The following NBAS variants were observed in gnomAD, a reference collection of about 807,000 sequenced individuals.
The protein encoded by NBAS is NAG/BC035112 fusion.
In NBAS, 219 loss-of-function variants were observed where a neutral mutation model predicts 302.5. The observed-to-expected ratio is 0.72, with a 90% CI of 0.65 to 0.81. The LOEUF is 0.81. Among genes scored for constraint, NBAS ranks in the 30% least tolerant of loss-of-function variants. The pLI, the probability that NBAS is intolerant of heterozygous loss-of-function variation, is 0.00. For missense variants in NBAS, 2,932 were observed against 2,841.6 expected, an observed-to-expected ratio of 1.03 and a Z score of -0.72; for synonymous variants, 1,118 against 1,021.6, an observed-to-expected ratio of 1.09 and a Z score of -1.80.
chr2:15,255,523 T>A (rs1572536359), intron 44 of NBAS, among the ~76,000 whole-genome samples: 1 of 152,230 alleles, frequency 6.6e-6, no homozygotes, highest in African/African-American at 2.4e-5. Flanking sequence ...GTTGAGTAGC[T>A]GATCATTTCT....
At chr2:15,535,771 T>C (rs1329716173) in intron 8 of NBAS, among the ~76,000 whole-genome samples, 1 of 152,146 alleles carries the variant, frequency 6.6e-6, no homozygotes, top group African/African-American at 2.4e-5. Context: ...ATGTTTTCAA[T>C]CCACAGTATC....
chr2:15,103,027 G>GGAAGGAAGGAAGGAAA, the NBAS span, among the ~76,000 whole-genome samples: 1 of 132,778 alleles, frequency 7.5e-6, no homozygotes, highest in African/African-American at 2.7e-5. Context: ...AAGGAAGGAA[G>GGAAGGAAGGAAGGAAA]GAAAGAGGGT....
chr2:15,476,442 G>A (rs938032786), intron 13 of NBAS, among the ~76,000 whole-genome samples: 6 of 152,072 alleles, frequency 3.9e-5, no homozygotes, highest in African/African-American at 1.4e-4. Flanking sequence ...TGAATTATGG[G>A]CCGGGCACAG....
chr2:15,469,461 AT>A (rs1189899184), intron 16 of NBAS, among the ~76,000 whole-genome samples: 1 of 152,144 alleles, frequency 6.6e-6, no homozygotes. Context: ...TAGAAATACC[AT>A]TTGACCCAGC....
chr2:15,473,499 T>C (rs1427496615), intron 15 of NBAS, 152 bp from the exon 16 acceptor site: 9 of 996,190 alleles, frequency 9.0e-6, no homozygotes, highest in Non-Finnish European at 1.4e-5. Flanking sequence ...ACAGATATTT[T>C]GAGGAGCAGA....
At chr2:15,225,911 T>C (rs914743865) in intron 47 of NBAS, among the ~76,000 whole-genome samples, 4 of 152,180 alleles carry the variant, frequency 2.6e-5, no homozygotes, top group Admixed American at 2.6e-4. Context: ...GAGAAGCATG[T>C]CAAAGAGACA....
At chr2:15,550,747 T>C (rs1403414054) in intron 6 of NBAS, among the ~76,000 whole-genome samples, 1 of 151,922 alleles carries the variant, frequency 6.6e-6, no homozygotes, top group African/African-American at 2.4e-5. Flanking sequence ...TCATCATGCC[T>C]GGGTAATTTT....
the NBAS span, among the ~76,000 whole-genome samples, chr2:15,051,759 G>A: frequency 6.6e-6 from 1 of 152,180 alleles, no homozygotes; most frequent in Non-Finnish European, 1.5e-5. Flanking sequence ...ATGCCATTCT[G>A]TCACCGTGGG....
rs1572687479 is a variant in NBAS at position 15,341,315 on chromosome 2, G to C, written c.4180-10550C>G. Among the ~76,000 whole-genome samples the C allele has an allele frequency of 2.0e-5, 3 of 152,204 alleles. No homozygotes were observed. In the South Asian group the frequency reaches 6.2e-4, roughly 32 times the overall value. On this transcript the variant is annotated intron_variant, in intron 35 of 51. Coordinates refer to ENST00000281513, the MANE Select transcript of NBAS (RefSeq NM_015909.4). ...GCTTGAGAATTGCTTGAACCCAGGAGGCGGAGGTTGCAGTAAGCCAAGATA... is the reference window on the plus strand; with the variant it reads ...GCTTGAGAATTGCTTGAACCCAGGACGCGGAGGTTGCAGTAAGCCAAGATA...
chr2:14,796,958 C>T, the NBAS span, among the ~76,000 whole-genome samples: 6 of 144,292 alleles, frequency 4.2e-5, no homozygotes, highest in African/African-American at 1.3e-4. Flanking sequence ...GGCATGGTGG[C>T]GGGCGCCTGC....
the NBAS span, among the ~76,000 whole-genome samples, chr2:15,019,571 G>T: frequency 2.4e-4 from 36 of 152,120 alleles, no homozygotes; most frequent in African/African-American, 8.2e-4. Flanking sequence ...CCTGTGTCAG[G>T]CAAATAATCA....
intron 38 of NBAS, among the ~76,000 whole-genome samples, chr2:15,327,157 G>C (rs1472748181): frequency 6.6e-6 from 1 of 152,038 alleles, no homozygotes; most frequent in African/African-American, 2.4e-5. Flanking sequence ...CTGAAATATA[G>C]ACAAGATAGC....
At chr2:15,467,495 A>G in intron 18 of NBAS, 88 bp from the exon 19 acceptor site, 2 of 1,342,828 alleles carry the variant, frequency 1.5e-6, no homozygotes, top group South Asian at 1.2e-5. Context: ...TATTCCGTTG[A>G]GCCCAAAACT....
At chr2:15,521,360 C>T (rs1039841364) in intron 9 of NBAS, among the ~76,000 whole-genome samples, 1 of 152,094 alleles carries the variant, frequency 6.6e-6, no homozygotes, top group African/African-American at 2.4e-5. Flanking sequence ...TTGGAAAAAA[C>T]CTGTTTTAGA....
At chr2:14,950,391 A>G in the NBAS span, among the ~76,000 whole-genome samples, 1 of 152,324 alleles carries the variant, frequency 6.6e-6, no homozygotes, top group South Asian at 2.1e-4. Context: ...TGTACATTTC[A>G]AAATAGCTAG....
chr2:14,834,942 G>A, the NBAS span, among the ~76,000 whole-genome samples: 1 of 152,124 alleles, frequency 6.6e-6, no homozygotes, highest in East Asian at 1.9e-4. Flanking sequence ...GAGAAGAGAG[G>A]CTGTGGAAGT....
the NBAS span, among the ~76,000 whole-genome samples, chr2:14,873,795 C>T: frequency 6.7e-6 from 1 of 150,354 alleles, no homozygotes; most frequent in Non-Finnish European, 1.5e-5. Context: ...GAAAACATGA[C>T]ATATCAAAAT....
At chr2:15,328,052 A>G in intron 37 of NBAS, 147 bp downstream of exon 37, 1 of 1,136,360 alleles carries the variant, frequency 8.8e-7, no homozygotes, top group East Asian at 2.5e-5. Flanking sequence ...TGGTCATAAT[A>G]TATACCAAAA....
intron 32 of NBAS, among the ~76,000 whole-genome samples, chr2:15,358,634 AG>A (rs934326284): frequency 3.9e-5 from 6 of 152,080 alleles, no homozygotes; most frequent in African/African-American, 1.4e-4. Context: ...TTGTACAAAC[AG>A]GGTCTTGCTA....
Sources: gnomAD v4.1 joint callset for allele counts (sites outside exome capture counted in the v4.1 genomes callset) on GRCh38, gnomAD v4.1.1 for gene constraint, MANE v1.5 for transcripts, NCBI Gene and HGNC (gene_info 2026-07-23, HGNC 2026-07-21) for gene names.